Variants in MAD1L1 observed in about 807,000 individuals in gnomAD.
MAD1L1 encodes mitotic spindle assembly checkpoint protein MAD1.
Under a neutral mutation model 96.9 loss-of-function variants are expected in MAD1L1, and 95 were observed. The ratio of observed to expected loss-of-function variants is 0.98; its 90% CI spans 0.83 to 1.16. The LOEUF is 1.16. Ranked by LOEUF, MAD1L1 falls within the 50% of genes most tolerant of loss-of-function variation. The pLI, the probability that MAD1L1 is intolerant of heterozygous loss-of-function variation, is 0.00. For synonymous variants in MAD1L1, 473 were observed against 396.6 expected (o/e 1.19, Z -2.29); for missense variants, 1,007 against 954.4 (o/e 1.06, Z -0.73).
intron 18 of MAD1L1, among the ~76,000 whole-genome samples, chr7:1,827,071 G>A (rs1782431012): frequency 1.3e-5 from 2 of 152,262 alleles, no homozygotes; most frequent in Admixed American, 6.5e-5. Context: ...AGCCGAGGGA[G>A]TGGGGGCGCC....
intron 12 of MAD1L1, 128 bp from the exon 13 acceptor site, chr7:2,014,770 C>T (rs1782460595): frequency 9.2e-7 from 1 of 1,091,548 alleles, no homozygotes; most frequent in Non-Finnish European, 1.3e-6. Flanking sequence ...CAGGCCAGCA[C>T]TCAGAGCCCA....
intron 16 of MAD1L1, among the ~76,000 whole-genome samples, chr7:1,943,335 G>T (rs985615401): frequency 1.3e-5 from 2 of 152,196 alleles, no homozygotes; most frequent in African/African-American, 2.4e-5. Context: ...CCACAGAATG[G>T]GAGAAAATGT....
At chr7:1,922,332 C>T (rs887886204) in intron 17 of MAD1L1, among the ~76,000 whole-genome samples, 5 of 152,250 alleles carry the variant, frequency 3.3e-5, no homozygotes, top group Non-Finnish European at 7.3e-5. Flanking sequence ...CCGTTGTCGG[C>T]GTGCTGTGGT....
intron 14 of MAD1L1, among the ~76,000 whole-genome samples, chr7:1,983,145 C>G (rs1483559131): frequency 3.4e-5 from 1 of 29,266 alleles, no homozygotes; most frequent in Non-Finnish European, 7.6e-5. Context: ...CGCGCGCGCG[C>G]GCGCGCGCGC....
chr7:2,059,518 A>G (rs1784541463), intron 12 of MAD1L1, among the ~76,000 whole-genome samples: 1 of 131,824 alleles, frequency 7.6e-6, no homozygotes, highest in Non-Finnish European at 1.6e-5. Context: ...GGGGCTGGAA[A>G]GGGAGCATGG....
intron 14 of MAD1L1, among the ~76,000 whole-genome samples, chr7:1,981,987 C>T (rs1162451943): frequency 1.3e-5 from 2 of 152,040 alleles, no homozygotes; most frequent in African/African-American, 4.8e-5. Context: ...CAGCCTGTCC[C>T]CAACTTCCAA....
intron 18 of MAD1L1, among the ~76,000 whole-genome samples, chr7:1,882,726 A>G (rs889539724): frequency 1.1e-4 from 16 of 152,198 alleles, no homozygotes; most frequent in African/African-American, 3.9e-4. Flanking sequence ...GCCCTGCCAC[A>G]GGCCCGCTGC....
intron 10 of MAD1L1, among the ~76,000 whole-genome samples, chr7:2,151,636 A>G (rs1789575954): frequency 6.6e-6 from 1 of 152,274 alleles, no homozygotes; most frequent in Admixed American, 6.5e-5. Context: ...GAACCCACCC[A>G]GCAAAGCTGG....
chr7:2,144,251 C>T (rs189255682), intron 11 of MAD1L1, among the ~76,000 whole-genome samples: 4 of 152,330 alleles, frequency 2.6e-5, no homozygotes, highest in African/African-American at 7.2e-5. Flanking sequence ...TGAGAGGCTG[C>T]GCATGAAGCA....
chr7:1,943,241 C>G (rs1266442505), intron 16 of MAD1L1, among the ~76,000 whole-genome samples: 1 of 152,180 alleles, frequency 6.6e-6, no homozygotes, highest in Non-Finnish European at 1.5e-5. Flanking sequence ...GCACAAAGAA[C>G]AAAAGAAAAT....
chr7:1,959,544 G>A (rs1779865856), intron 15 of MAD1L1, among the ~76,000 whole-genome samples: 1 of 152,200 alleles, frequency 6.6e-6, no homozygotes, highest in Non-Finnish European at 1.5e-5. Context: ...GCCTGCTCAG[G>A]ACCACGGCAC....
intron 18 of MAD1L1, among the ~76,000 whole-genome samples, chr7:1,819,694 G>A (rs531545091): frequency 6.6e-6 from 1 of 152,284 alleles, no homozygotes; most frequent in East Asian, 1.9e-4. Context: ...GCACGGACAA[G>A]AGGCACGGAG....
At chr7:1,833,949 A>G (rs115853160) in intron 18 of MAD1L1, among the ~76,000 whole-genome samples, 1,926 of 152,324 alleles carry the variant, frequency 0.013, 42 homozygotes, top group African/African-American at 0.043. Context: ...TCCGTCTCCA[A>G]AAAAAGTAGA....
chr7:2,225,988 A>G lies in MAD1L1; in HGVS notation c.151-438T>C, dbSNP rs564046475. On this transcript the variant is annotated intron_variant, in intron 3 of 18. Transcript: ENST00000265854. Reference sequence around the variant, plus strand: ...TCCCGACTGGCTGCCAGCCCAGTACAGCCATCAACTCCTAGGTGCTGCCCA... The same window carrying G: ...TCCCGACTGGCTGCCAGCCCAGTACGGCCATCAACTCCTAGGTGCTGCCCA... Among the ~76,000 whole-genome samples, 6 of 152,300 alleles carry G rather than the reference A, an allele frequency of 3.9e-5. No individual in the cohort carries two copies. In the South Asian group the frequency reaches 1.2e-3, roughly 32 times the overall value.
intron 1 of MAD1L1, among the ~76,000 whole-genome samples, chr7:2,231,339 G>C (rs935332445): frequency 2.0e-5 from 3 of 152,096 alleles, no homozygotes; most frequent in Admixed American, 2.0e-4. Flanking sequence ...ATAAACATAA[G>C]CCAGGCACTG....
intron 18 of MAD1L1, among the ~76,000 whole-genome samples, chr7:1,820,234 G>A (rs577390691): frequency 6.6e-6 from 1 of 152,154 alleles, no homozygotes; most frequent in East Asian, 1.9e-4. Context: ...AGAACAGAAT[G>A]GAAACAAGAA....
intron 18 of MAD1L1, among the ~76,000 whole-genome samples, chr7:1,818,509 G>C (rs531636957): frequency 6.6e-6 from 1 of 152,218 alleles, no homozygotes; most frequent in African/African-American, 2.4e-5. Flanking sequence ...CTCCTGAGCA[G>C]TTGGAATGAC....
chr7:1,833,805 G>A (rs1782818530), intron 18 of MAD1L1, among the ~76,000 whole-genome samples: 1 of 152,194 alleles, frequency 6.6e-6, no homozygotes, highest in Admixed American at 6.5e-5. Flanking sequence ...GCCAGGCGTG[G>A]TGGCACGTGC....
intron 17 of MAD1L1, among the ~76,000 whole-genome samples, chr7:1,902,659 G>A (rs529992895): frequency 2.3e-5 from 3 of 132,708 alleles, no homozygotes; most frequent in African/African-American, 6.1e-5. Context: ...GCCGGGCTAC[G>A]TGAGCCTCAG....
Sources: gnomAD v4.1 joint callset for allele counts (sites outside exome capture counted in the v4.1 genomes callset) on GRCh38, gnomAD v4.1.1 for gene constraint, MANE v1.5 for transcripts, NCBI Gene and HGNC (gene_info 2026-07-23, HGNC 2026-07-21) for gene names.